Variants in CARD8 observed in about 807,000 individuals in gnomAD.
CARD8 encodes the protein caspase recruitment domain-containing protein 8.
In CARD8, 38 loss-of-function variants were observed where a neutral mutation model predicts 53.2. That is an observed-to-expected ratio of 0.71 (90% CI 0.55 to 0.94). The LOEUF is 0.94. CARD8 is among the 40% of genes least tolerant of loss of function. The pLI is 0.00. For synonymous variants in CARD8, 245 were observed against 244.9 expected (o/e 1.00, Z 0.00); for missense variants, 561 against 655.5 (o/e 0.86, Z 1.57).
intron 3 of CARD8, among the ~76,000 whole-genome samples, chr19:48,245,049 T>A (rs2045877733): frequency 6.6e-6 from 1 of 152,180 alleles, no homozygotes; most frequent in Non-Finnish European, 1.5e-5. Flanking sequence ...AGTTAAAATA[T>A]CGGAAGCTTA....
intron 1 of CARD8, among the ~76,000 whole-genome samples, chr19:48,255,356 C>G (rs1230111782): frequency 1.3e-5 from 2 of 152,186 alleles, no homozygotes; most frequent in African/African-American, 4.8e-5. Flanking sequence ...CAGAGCGAGA[C>G]TCCATCTCAA....
At position 48,243,689 on chromosome 19, in the gene CARD8, A is replaced by C. The variant is rs958921451; in HGVS notation, c.-43-2626T>G. On this transcript the variant is annotated intron_variant, in intron 3 of 13. Coordinates refer to ENST00000651546, the MANE Select transcript of CARD8 (RefSeq NM_001184900.3). The stretch of plus-strand genomic sequence containing the variant: ...TTTTACCTAGTACCATTATATATTT[A>C]ATTTTTTCTCATGAAGCCAGGCACA... Among the ~76,000 whole-genome samples the C allele has an allele frequency of 1.3e-4, 19 of 151,212 alleles. No homozygotes were observed. The South Asian group carries it at 1.3e-3, about 10-fold the overall frequency.
intron 10 of CARD8, among the ~76,000 whole-genome samples, chr19:48,224,368 C>T (rs79989778): frequency 0.067 from 10,127 of 152,196 alleles, 458 homozygotes; most frequent in Non-Finnish European, 0.1. Context: ...GTAACCAACA[C>T]AAAAAATAAT....
At chr19:48,238,210 TGA>T in intron 5 of CARD8, 171 bp downstream of exon 5, 1 of 1,210,588 alleles carries the variant, frequency 8.3e-7, no homozygotes, top group Non-Finnish European at 1.1e-6. Context: ...CTACTTCTTA[TGA>T]GATACAAACT....
chr19:48,232,048 C>A (rs1280186523), intron 7 of CARD8: 3 of 607,540 alleles, frequency 4.9e-6, no homozygotes, highest in Non-Finnish European at 6.0e-6. Context: ...GGAAGCCAGG[C>A]TGGACAGCTT....
At position 48,230,898 on chromosome 19, in the gene CARD8, G is replaced by A; in HGVS notation, c.651C>T (p.His217=). The A allele has an allele frequency of 2.5e-6, 4 of 1,614,196 alleles. No homozygotes were observed. Among genetic ancestry groups the A allele is most frequent in the Non-Finnish European group, 2.5e-6 (3 of 1,180,038 alleles). The change falls in exon 9 of 14, where the codon CAC becomes CAT. Residue 217 remains histidine, a synonymous_variant. Transcript: ENST00000651546. ...CATGGTGCTGCAGGTCCAGGGCCAG[G>A]TGCTGACTCCAGGAACCAAACGCAA... ...VTIAFGSWSQ[H]LALDLQHHEQ...
chr19:48,228,144 G>GT (rs1253588176), intron 10 of CARD8, among the ~76,000 whole-genome samples: 1 of 152,220 alleles, frequency 6.6e-6, no homozygotes, highest in Non-Finnish European at 1.5e-5. Context: ...CTGATGATCT[G>GT]TAAGTGTCTC....
chr19:48,255,649 T>G (rs1450622763), intron 1 of CARD8, 143 bp downstream of exon 1: 1 of 152,180 alleles, frequency 6.6e-6, no homozygotes, highest in East Asian at 1.9e-4. Context: ...CTATTTCCCC[T>G]TCTGACACGC....
chr19:48,231,035 G>A (rs779328099), intron 8 of CARD8, 29 bp from the exon 9 acceptor site: 13 of 1,568,310 alleles, frequency 8.3e-6, no homozygotes, highest in African/African-American at 5.4e-5. Flanking sequence ...ATGTCATGAC[G>A]GGAGAACCCC....
chr19:48,220,679 C>T (rs1299941023), intron 11 of CARD8, among the ~76,000 whole-genome samples: 1 of 151,870 alleles, frequency 6.6e-6, no homozygotes, highest in Non-Finnish European at 1.5e-5. Context: ...TTTGGGAGGC[C>T]AAGGTGGGCA....
chr19:48,237,695 G>C (rs190254654), intron 5 of CARD8, among the ~76,000 whole-genome samples: 63 of 151,708 alleles, frequency 4.2e-4, no homozygotes, highest in African/African-American at 1.4e-3. Flanking sequence ...TACTTGGGAG[G>C]CTGAGGCAAA....
chr19:48,224,892 T>C (rs2041433344), intron 10 of CARD8, among the ~76,000 whole-genome samples: 1 of 151,822 alleles, frequency 6.6e-6, no homozygotes, highest in Admixed American at 6.6e-5. Context: ...TAGCTGGGAC[T>C]ACAGGCACCT....
At chr19:48,233,547 G>A (rs1460749606) in intron 6 of CARD8, 1 of 369,700 alleles carries the variant, frequency 2.7e-6, no homozygotes, top group African/African-American at 2.1e-5. Context: ...ATGGATTCGG[G>A]TAGCTACAGG....
At chr19:48,206,638 T>C, downstream of CARD8, 1 of 391,926 alleles carries the variant, frequency 2.6e-6, no homozygotes, top group Non-Finnish European at 5.1e-6. Flanking sequence ...TACCAAATTC[T>C]TTTAGCTTAA....
intron 6 of CARD8, chr19:48,232,769 C>G: frequency 1.6e-6 from 1 of 610,232 alleles, no homozygotes. Context: ...AGAAAGTTCT[C>G]TTAGACTGGG....
At chr19:48,216,138 C>A (rs201696341) in intron 12 of CARD8, among the ~76,000 whole-genome samples, 80 of 146,802 alleles carry the variant, frequency 5.4e-4, no homozygotes, top group Non-Finnish European at 5.4e-4. Context: ...AATTTGCTAT[C>A]AAAAAAAAAA....
At chr19:48,237,516 G>C (rs1393267451) in intron 5 of CARD8, among the ~76,000 whole-genome samples, 3 of 152,020 alleles carry the variant, frequency 2.0e-5, no homozygotes, top group Non-Finnish European at 4.4e-5. Context: ...AGTATTATCG[G>C]CTGGGTGCAG....
chr19:48,216,015 A>G (rs1047377072), intron 12 of CARD8, among the ~76,000 whole-genome samples: 128 of 152,078 alleles, frequency 8.4e-4, no homozygotes, highest in African/African-American at 3.0e-3. Flanking sequence ...ATCTCCTGTG[A>G]GGTCTCACAA....
At chr19:48,219,071 A>G (rs2039967819) in intron 11 of CARD8, 59 bp from the exon 12 acceptor site, 3 of 1,537,782 alleles carry the variant, frequency 2.0e-6, no homozygotes, top group African/African-American at 1.4e-5. Flanking sequence ...CCGGCTCCCT[A>G]CAGTGAACTG....
Sources: gnomAD v4.1 joint callset for allele counts (sites outside exome capture counted in the v4.1 genomes callset) on GRCh38, gnomAD v4.1.1 for gene constraint, MANE v1.5 for transcripts, NCBI Gene and HGNC (gene_info 2026-07-23, HGNC 2026-07-21) for gene names.